Variants in GTF2IRD1 observed in about 807,000 individuals in gnomAD.
GTF2IRD1 encodes general transcription factor II-I repeat domain-containing protein 1.
In GTF2IRD1, 26 loss-of-function variants were observed where a neutral mutation model predicts 113.2. The ratio of observed to expected loss-of-function variants is 0.23; its 90% CI spans 0.17 to 0.32. The LOEUF (loss-of-function observed/expected upper bound fraction) is 0.32. Ranked by LOEUF, GTF2IRD1 falls within the 10% of genes least tolerant of loss-of-function variation. The pLI, the probability that GTF2IRD1 is intolerant of heterozygous loss-of-function variation, is 1.00. For missense variants in GTF2IRD1, 864 were observed against 1,280.8 expected (o/e 0.67, Z 4.97); for synonymous variants, 484 against 529.1 (o/e 0.91, Z 1.17).
At chr7:74,527,893 T>G (rs587665527) in intron 8 of GTF2IRD1, among the ~76,000 whole-genome samples, 72 of 150,932 alleles carry the variant, frequency 4.8e-4, no homozygotes, top group Middle Eastern at 7.0e-3. Flanking sequence ...GTAGCTGGGG[T>G]CGAAGTGAAT....
At chr7:74,484,844 T>C (rs1199334454) in intron 1 of GTF2IRD1, among the ~76,000 whole-genome samples, 1 of 152,128 alleles carries the variant, frequency 6.6e-6, no homozygotes, top group African/African-American at 2.4e-5. Context: ...GCTGGGACGG[T>C]TTCTGCCTTT....
At chr7:74,589,719 G>A in intron 22 of GTF2IRD1, 132 bp from the exon 23 acceptor site, 1 of 554,314 alleles carries the variant, frequency 1.8e-6, no homozygotes, top group Non-Finnish European at 3.3e-6. Context: ...AAAAAAAACA[G>A]CTATATAGGA....
At chr7:74,560,914 G>T (rs190805776) in intron 22 of GTF2IRD1, among the ~76,000 whole-genome samples, 1 of 152,040 alleles carries the variant, frequency 6.6e-6, no homozygotes, top group Non-Finnish European at 1.5e-5. Flanking sequence ...ATCCACTTCT[G>T]TCTCCACCAT....
chr7:74,518,068 G>A, intron 4 of GTF2IRD1, 71 bp from the exon 5 acceptor site: 3 of 1,163,242 alleles, frequency 2.6e-6, no homozygotes, highest in South Asian at 1.8e-5. Flanking sequence ...CCCACTCTGG[G>A]GCACAGCAGC....
At chr7:74,589,540 T>C (rs1801928637) in intron 22 of GTF2IRD1, among the ~76,000 whole-genome samples, 1 of 150,720 alleles carries the variant, frequency 6.6e-6, no homozygotes, top group Non-Finnish European at 1.5e-5. Context: ...CTACTAAAAA[T>C]ACAAAAATTA....
At chr7:74,565,059 G>A (rs1442168840) in intron 22 of GTF2IRD1, among the ~76,000 whole-genome samples, 5 of 942 alleles carry the variant, frequency 5.3e-3, no homozygotes, top group African/African-American at 0.049. Context: ...TCGGGTTGCA[G>A]AGGGATGGGG....
chr7:74,601,283 G>A (rs1802754693), intron 26 of GTF2IRD1, 103 bp downstream of exon 26: 2 of 1,548,538 alleles, frequency 1.3e-6, no homozygotes, highest in Non-Finnish European at 8.7e-7. Context: ...GGGACGGGGA[G>A]GCACTGGGCT....
At chr7:74,516,928 C>T (rs1554344694) in intron 4 of GTF2IRD1, among the ~76,000 whole-genome samples, 2 of 152,186 alleles carry the variant, frequency 1.3e-5, no homozygotes, top group Non-Finnish European at 2.9e-5. Context: ...CCTGCCTCCC[C>T]TCCTCTGTGC....
chr7:74,468,987 AG>A (rs1554331689), intron 1 of GTF2IRD1, among the ~76,000 whole-genome samples: 1 of 151,628 alleles, frequency 6.6e-6, no homozygotes, highest in Non-Finnish European at 1.5e-5. Context: ...CGGGAGGCTG[AG>A]GCAGGAGAAT....
At chr7:74,493,736 A>G (rs1795495417) in intron 1 of GTF2IRD1, among the ~76,000 whole-genome samples, 1 of 151,916 alleles carries the variant, frequency 6.6e-6, no homozygotes, top group South Asian at 2.1e-4. Context: ...ATTCTCATTT[A>G]TGTGGACTCC....
At chr7:74,557,392 T>A (rs1799665448) in intron 19 of GTF2IRD1, among the ~76,000 whole-genome samples, 1 of 152,186 alleles carries the variant, frequency 6.6e-6, no homozygotes, top group African/African-American at 2.4e-5. Context: ...ATTGGTTTGG[T>A]GGTTTTCAAA....
intron 22 of GTF2IRD1, among the ~76,000 whole-genome samples, chr7:74,581,075 A>G (rs1157081837): frequency 2.6e-5 from 4 of 151,964 alleles, no homozygotes; most frequent in African/African-American, 9.7e-5. Flanking sequence ...GCTGGAGTGC[A>G]GTGGCGCCAT....
At chr7:74,566,738 G>A (rs1209967664) in intron 22 of GTF2IRD1, among the ~76,000 whole-genome samples, 17 of 152,228 alleles carry the variant, frequency 1.1e-4, no homozygotes, top group African/African-American at 4.1e-4. Flanking sequence ...GAGGCTCAGA[G>A]AGATTAAGCA....
chr7:74,575,075 A>G (rs1800951962), intron 22 of GTF2IRD1, among the ~76,000 whole-genome samples: 1 of 145,742 alleles, frequency 6.9e-6, no homozygotes, highest in Admixed American at 7.2e-5. Flanking sequence ...GGGCAACAAG[A>G]GCGAAACTCC....
chr7:74,527,955 C>A (rs1243761043), intron 8 of GTF2IRD1, among the ~76,000 whole-genome samples: 2 of 152,176 alleles, frequency 1.3e-5, no homozygotes, highest in Non-Finnish European at 2.9e-5. Context: ...TGGGCATGAG[C>A]CTGGATTCTG....
chr7:74,538,582 A>G (rs1244652965), intron 12 of GTF2IRD1, 98 bp from the exon 13 acceptor site: 1 of 826,954 alleles, frequency 1.2e-6, no homozygotes, highest in African/African-American at 1.7e-5. Context: ...GTAGGGCCTC[A>G]CTAACAAGTT....
chr7:74,494,549 G>A (rs934752357), intron 1 of GTF2IRD1, among the ~76,000 whole-genome samples: 1 of 152,138 alleles, frequency 6.6e-6, no homozygotes. Context: ...GGTTCAAAGT[G>A]GGTCTTTATT....
At chr7:74,547,385 A>T in intron 17 of GTF2IRD1, 99 bp downstream of exon 17, 1 of 892,728 alleles carries the variant, frequency 1.1e-6, no homozygotes, top group Non-Finnish European at 1.7e-6. Context: ...CTTGTGCCTC[A>T]GCCACCTGAA....
At chr7:74,570,998 C>T in intron 22 of GTF2IRD1, 1 of 634,964 alleles carries the variant, frequency 1.6e-6, no homozygotes, top group Non-Finnish European at 2.0e-6. Context: ...CACGAGGGCT[C>T]TCCCCGGACC....
Sources: gnomAD v4.1 joint callset for allele counts (sites outside exome capture counted in the v4.1 genomes callset) on GRCh38, gnomAD v4.1.1 for gene constraint, MANE v1.5 for transcripts, NCBI Gene and HGNC (gene_info 2026-07-23, HGNC 2026-07-21) for gene names.